The following WNK2 variants were observed in gnomAD, a reference collection of about 807,000 sequenced individuals.
WNK2 encodes WNK lysine deficient protein kinase 2.
WNK2 carries 67 observed loss-of-function variants against 192.1 expected under a neutral mutation model. That is an observed-to-expected ratio of 0.35 (90% CI 0.29 to 0.43). The LOEUF is 0.43. WNK2 is among the 20% of genes least tolerant of loss of function. The pLI is 1.00. For missense variants in WNK2, 2,698 were observed against 3,089.7 expected (o/e 0.87, Z 3.01); for synonymous variants, 1,439 against 1,393.9 (o/e 1.03, Z -0.72).
intron 2 of WNK2, among the ~76,000 whole-genome samples, chr9:93,194,685 C>T (rs1162504518): frequency 6.6e-6 from 1 of 152,196 alleles, no homozygotes; most frequent in African/African-American, 2.4e-5. Context: ...ACTATGCAAT[C>T]CAGCAACTGC....
intron 8 of WNK2, 109 bp from the exon 9 acceptor site, chr9:93,252,774 C>T (rs1842763576): frequency 9.6e-7 from 1 of 1,046,162 alleles, no homozygotes; most frequent in South Asian, 2.1e-5. Context: ...TTTATGTGAT[C>T]TGGAGAAACA....
chr9:93,263,757 G>A, intron 15 of WNK2, 23 bp downstream of exon 15: 26 of 1,353,680 alleles, frequency 1.9e-5, no homozygotes, highest in Non-Finnish European at 2.5e-5. Context: ...GGCGTGGCGG[G>A]GGTGTGGTGG....
chr9:93,289,674 G>C, intron 20 of WNK2, 54 bp downstream of exon 20: 1 of 1,417,306 alleles, frequency 7.1e-7, no homozygotes, highest in African/African-American at 1.4e-5. Flanking sequence ...GCCGGAGCCC[G>C]GGCGCAGGCC....
intron 26 of WNK2, among the ~76,000 whole-genome samples, chr9:93,302,672 C>T (rs1851822669): frequency 6.6e-6 from 1 of 152,136 alleles, no homozygotes; most frequent in African/African-American, 2.4e-5. Context: ...GGTGGCTGTG[C>T]CCAGGGATAG....
chr9:93,319,806 G>A (rs972628406), intron 29 of WNK2, among the ~76,000 whole-genome samples: 1 of 152,190 alleles, frequency 6.6e-6, no homozygotes, highest in Non-Finnish European at 1.5e-5. Context: ...CATCCAGGGT[G>A]GGGCCTCATC....
chr9:93,315,191 C>T (rs955233314), intron 28 of WNK2, among the ~76,000 whole-genome samples: 1 of 152,158 alleles, frequency 6.6e-6, no homozygotes, highest in Non-Finnish European at 1.5e-5. Context: ...TCAAAGTTAC[C>T]ACTGACAGCT....
intron 12 of WNK2, among the ~76,000 whole-genome samples, chr9:93,260,234 G>A (rs1470942749): frequency 6.6e-6 from 1 of 152,164 alleles, no homozygotes; most frequent in Non-Finnish European, 1.5e-5. Context: ...CCTTCCCACA[G>A]GGATCCACAC....
intron 7 of WNK2, among the ~76,000 whole-genome samples, chr9:93,243,232 A>C (rs1370480306): frequency 2.0e-5 from 3 of 152,168 alleles, no homozygotes; most frequent in Non-Finnish European, 4.4e-5. Flanking sequence ...AAGACAGGCA[A>C]GTTGGAGGAG....
chr9:93,263,435 C>CA (rs10649709), intron 14 of WNK2, 131 bp from the exon 15 acceptor site: 9 of 1,181,960 alleles, frequency 7.6e-6, no homozygotes, highest in African/African-American at 7.6e-5. Flanking sequence ...TCGCACAGGA[C>CA]GGGCTGCCTC....
At chr9:93,189,958 A>C (rs546559645) in intron 2 of WNK2, among the ~76,000 whole-genome samples, 4 of 152,334 alleles carry the variant, frequency 2.6e-5, no homozygotes, top group African/African-American at 9.6e-5. Flanking sequence ...CATGGCACTC[A>C]CTTACTGGGG....
intron 2 of WNK2, among the ~76,000 whole-genome samples, chr9:93,201,289 C>T (rs1164027534): frequency 2.0e-5 from 3 of 152,220 alleles, no homozygotes; most frequent in African/African-American, 7.2e-5. Context: ...CTGTTCCGAG[C>T]AAGGCTGCCC....
At chr9:93,303,798 C>T (rs1852011818) in intron 26 of WNK2, among the ~76,000 whole-genome samples, 1 of 152,242 alleles carries the variant, frequency 6.6e-6, no homozygotes, top group Non-Finnish European at 1.5e-5. Context: ...GCAGATCCTG[C>T]TTCCCAATGC....
intron 19 of WNK2, among the ~76,000 whole-genome samples, chr9:93,285,790 A>G (rs1848365062): frequency 6.6e-6 from 1 of 152,256 alleles, no homozygotes; most frequent in South Asian, 2.1e-4. Context: ...TGTGACTCAT[A>G]TAAACCTGGA....
intron 23 of WNK2, among the ~76,000 whole-genome samples, chr9:93,296,376 A>C (rs961477284): frequency 4.1e-4 from 1 of 2,428 alleles, no homozygotes; most frequent in Non-Finnish European, 7.8e-4. Context: ...TCCTCCCCTC[A>C]CCTTCCTCCC....
intron 7 of WNK2, among the ~76,000 whole-genome samples, chr9:93,241,803 A>G (rs1840815484): frequency 1.3e-5 from 2 of 152,188 alleles, no homozygotes; most frequent in Admixed American, 1.3e-4. Flanking sequence ...AGTGGGCCAC[A>G]TGGTGTAGGT....
At chr9:93,308,047 G>C in intron 27 of WNK2, 1 of 531,118 alleles carries the variant, frequency 1.9e-6, no homozygotes, top group East Asian at 3.4e-5. Flanking sequence ...TGGGCACAGA[G>C]TGGATGCTGA....
At chr9:93,218,231 T>C (rs2131712750) in intron 2 of WNK2, among the ~76,000 whole-genome samples, 1 of 152,136 alleles carries the variant, frequency 6.6e-6, no homozygotes, top group East Asian at 1.9e-4. Flanking sequence ...CCACAGGCCT[T>C]GCCCTGGGGT....
Position 93,267,876 on chromosome 9 carries a change from G to A in WNK2, c.3827G>A (p.Ser1276Asn). The A allele has an allele frequency of 6.2e-7, 1 of 1,609,682 alleles. No homozygotes were observed. The highest frequency in any genetic ancestry group is 8.5e-7 in the Non-Finnish European group (1 of 1,178,366). ...DADRGSDPGT[S>N]PPHLSTCGLG... ...GACCGTGGCTCCGACCCAGGGACCA[G>A]CCCGCCACACCTCAGCACCTGCGGC... Residue 1276 changes from serine (S) to asparagine (N), a missense_variant, in exon 17 of 30, where the codon AGC (serine) becomes AAC (asparagine). Ser to Asn is a conservative substitution (Grantham distance 46). This residue lies in a region of WNK2 where 1,098 missense variants were observed against 1,101.0 expected (regional missense o/e 1.00). Coordinates refer to ENST00000427277, the MANE Select transcript of WNK2 (RefSeq NM_006648.4).
intron 7 of WNK2, among the ~76,000 whole-genome samples, chr9:93,246,196 G>A (rs1285705984): frequency 1.3e-5 from 2 of 152,118 alleles, no homozygotes; most frequent in African/African-American, 2.4e-5. Flanking sequence ...ATTTGCCAGC[G>A]GGAGGCCCTC....
Sources: gnomAD v4.1 joint callset for allele counts (sites outside exome capture counted in the v4.1 genomes callset) on GRCh38, gnomAD v4.1.1 for gene constraint, gnomAD v4.1.1 regional missense constraint, MANE v1.5 for transcripts, NCBI Gene and HGNC (gene_info 2026-07-23, HGNC 2026-07-21) for gene names.